SUSD5: variants seen among roughly 807,000 people sequenced by gnomAD.
SUSD5 encodes the protein sushi domain containing 5.
Under a neutral mutation model 29.5 loss-of-function variants are expected in SUSD5, and 33 were observed. That is an observed-to-expected ratio of 1.12 (90% confidence interval 0.85 to 1.49). The LOEUF (loss-of-function observed/expected upper bound fraction) is 1.49, where lower values mean the gene tolerates loss of function less well. Among genes scored for constraint, SUSD5 ranks in the 40% most tolerant of loss-of-function variants. The pLI is 0.00. For missense variants in SUSD5, 776 were observed against 800.6 expected, an observed-to-expected ratio of 0.97 and a Z score of 0.37; for synonymous variants, 308 against 325.3, an observed-to-expected ratio of 0.95 and a Z score of 0.57.
chr3:33,209,124 C>T (rs2032275739), intron 2 of SUSD5, among the ~76,000 whole-genome samples: 2 of 152,186 alleles, frequency 1.3e-5, no homozygotes, highest in Non-Finnish European at 2.9e-5. Context: ...TCAGTACCTT[C>T]AAAATATCAA....
chr3:33,165,975 C>T lies in SUSD5; in HGVS notation c.598+8911G>A, dbSNP rs561277034. 2.7e-5 allele frequency among the ~76,000 whole-genome samples: 4 copies of T among 149,130 alleles called. No individual in the cohort carries two copies. The East Asian group carries it at 6.0e-4, about 22-fold the overall frequency. ...CTGGACAACATAGTGAGACCCACTG[C>T]ACCGCAGCCTGGGTGACAGAGTGAG... On this transcript the variant is annotated intron_variant, in intron 4 of 4. Coordinates refer to ENST00000309558, the MANE Select transcript of SUSD5 (RefSeq NM_015551.2).
chr3:33,186,431 T>TC (rs1418969949), intron 3 of SUSD5, among the ~76,000 whole-genome samples: 1 of 144,352 alleles, frequency 6.9e-6, no homozygotes, highest in Non-Finnish European at 1.5e-5. Context: ...CTTTCTTTCT[T>TC]TTTTTTTTTT....
At chr3:33,193,283 T>C (rs927382753) in intron 3 of SUSD5, among the ~76,000 whole-genome samples, 1 of 152,138 alleles carries the variant, frequency 6.6e-6, no homozygotes, top group Non-Finnish European at 1.5e-5. Context: ...AGACGATGCA[T>C]TGAGGAAGCA....
Position 33,153,154 on chromosome 3 carries a change from G to A in SUSD5, c.1478C>T (p.Ser493Phe), listed in dbSNP as rs753255710. Residue 493 changes from serine to phenylalanine, a missense_variant, in exon 5 of 5, where the codon TCC becomes TTC. By Grantham distance (155) the Ser-to-Phe change is radical. Transcript: ENST00000309558. Reference protein sequence around the residue: ...MATLSYELTSSTLEILTVNTV... With the variant: ...MATLSYELTSFTLEILTVNTV... ...GTTCACTGTTAATATCTCCAGGGTG[G>A]AGCTGGTGAGCTCATAGGACAGGGT... The A allele has an allele frequency of 4.3e-6, 7 of 1,613,856 alleles. No individual in the cohort carries two copies. In the Admixed American group the frequency reaches 1.2e-4, roughly 27 times the overall value.
At chr3:33,181,354 CTTT>C (rs61087865) in intron 3 of SUSD5, among the ~76,000 whole-genome samples, 10 of 120,458 alleles carry the variant, frequency 8.3e-5, no homozygotes, top group Non-Finnish European at 1.4e-4. Flanking sequence ...TCATTTTCAT[CTTT>C]TTTTTTTTTT....
chr3:33,185,096 T>C (rs1450493713), intron 3 of SUSD5, among the ~76,000 whole-genome samples: 1 of 152,170 alleles, frequency 6.6e-6, no homozygotes, highest in Non-Finnish European at 1.5e-5. Context: ...TCTCAGTCTT[T>C]TGTCAGCATG....
At chr3:33,162,817 T>C (rs4482622) in intron 4 of SUSD5, among the ~76,000 whole-genome samples, 10,516 of 151,060 alleles carry the variant, frequency 0.07, 563 homozygotes, top group East Asian at 0.22. Context: ...CAGGGCGTGG[T>C]GGCACATGCC....
intron 4 of SUSD5, among the ~76,000 whole-genome samples, chr3:33,163,782 G>A (rs1370213392): frequency 1.3e-5 from 2 of 152,168 alleles, no homozygotes; most frequent in Non-Finnish European, 2.9e-5. Context: ...CGGATCACGA[G>A]GTCAGGAGAT....
chr3:33,189,733 T>C (rs1396425384), intron 3 of SUSD5, among the ~76,000 whole-genome samples: 1 of 152,180 alleles, frequency 6.6e-6, no homozygotes, highest in Non-Finnish European at 1.5e-5. Context: ...TCTAATTAGA[T>C]TGGCATAGTT....
intron 3 of SUSD5, among the ~76,000 whole-genome samples, chr3:33,202,024 T>TTATCTATC (rs60454731): frequency 0.18 from 26,501 of 146,452 alleles, 2,369 homozygotes; most frequent in South Asian, 0.25. Flanking sequence ...AGGGGAGAAG[T>TTATCTATC]TATCTATCTA....
intron 3 of SUSD5, among the ~76,000 whole-genome samples, chr3:33,190,616 T>C (rs1274799736): frequency 6.6e-6 from 1 of 152,194 alleles, no homozygotes; most frequent in African/African-American, 2.4e-5. Flanking sequence ...CATACCTTTA[T>C]ACTGAGGGAG....
chr3:33,171,207 C>T (rs1028917277), intron 4 of SUSD5, among the ~76,000 whole-genome samples: 9 of 152,026 alleles, frequency 5.9e-5, no homozygotes, highest in Non-Finnish European at 8.8e-5. Flanking sequence ...ATTAGCCAGG[C>T]GTGGTGGCGC....
intron 3 of SUSD5, among the ~76,000 whole-genome samples, chr3:33,184,063 G>C (rs753061520): frequency 6.7e-6 from 1 of 149,756 alleles, no homozygotes; most frequent in Non-Finnish European, 1.5e-5. Flanking sequence ...TCAGCCTACT[G>C]AGTAGCTGGG....
At chr3:33,206,971 G>C (rs1378742393) in intron 3 of SUSD5, among the ~76,000 whole-genome samples, 1 of 151,614 alleles carries the variant, frequency 6.6e-6, no homozygotes, top group Non-Finnish European at 1.5e-5. Flanking sequence ...TCGTTTCTAT[G>C]ACTGATTAGT....
intron 4 of SUSD5, among the ~76,000 whole-genome samples, chr3:33,155,578 G>A (rs1469893426): frequency 1.3e-5 from 2 of 152,172 alleles, no homozygotes; most frequent in Non-Finnish European, 2.9e-5. Context: ...ACAGTAATGT[G>A]TGCATATGGG....
intron 3 of SUSD5, among the ~76,000 whole-genome samples, chr3:33,180,976 C>T (rs540255390): frequency 1.3e-5 from 2 of 149,590 alleles, no homozygotes; most frequent in African/African-American, 2.4e-5. Flanking sequence ...TGAGCCAGCA[C>T]ACCCAGCAAA....
In SUSD5 at chr3:33,204,483, G is replaced by C. The variant is rs1291826067; in HGVS notation, c.409+3325C>G. ...CGACAGGTGCCCACTACCACACCCG[G>C]CTAATTTTTTTGTATTTTTAGTAGA... is the stretch of plus-strand genomic sequence containing the variant. On this transcript the variant is annotated intron_variant, in intron 3 of 4. Coordinates refer to ENST00000309558, the MANE Select transcript of SUSD5 (RefSeq NM_015551.2). The surrounding 1 kb of genome is among the most constrained non-coding windows in gnomAD (Gnocchi z 4.5). Among the ~76,000 whole-genome samples, 2 of 151,404 alleles carry C rather than the reference G, an allele frequency of 1.3e-5. No homozygotes were observed. The highest frequency in any genetic ancestry group is 2.9e-5 in the Non-Finnish European group (2 of 67,998).
In SUSD5 at chr3:33,152,564, C is replaced by T; in HGVS notation, c.*178G>A. 2 of 652,372 alleles carry T rather than the reference C, an allele frequency of 3.1e-6. No homozygotes were observed. Among genetic ancestry groups the T allele is most frequent in the Non-Finnish European group, 5.2e-6 (2 of 386,520 alleles). 40.4% of individuals were successfully genotyped at this position (652,372 alleles called of 1,614,324 possible). A position where few individuals can be genotyped will look rare whatever the true frequency, so the allele number is the denominator to read the frequency against. Reference sequence around the variant, plus strand: ...GACATTGACATGAGTGATGATGTCACCAAAGCCTCCCTGCCCTCCCAGGTG... The same window carrying T: ...GACATTGACATGAGTGATGATGTCATCAAAGCCTCCCTGCCCTCCCAGGTG... On this transcript the variant is annotated 3_prime_UTR_variant, in exon 5 of 5. Transcript: ENST00000309558.
intron 4 of SUSD5, among the ~76,000 whole-genome samples, chr3:33,165,258 T>C (rs1418387833): frequency 1.3e-5 from 2 of 152,156 alleles, no homozygotes; most frequent in Non-Finnish European, 2.9e-5. Flanking sequence ...AAGGAAGCCA[T>C]ACACAAGAGT....
Sources: gnomAD v4.1 joint callset for allele counts (sites outside exome capture counted in the v4.1 genomes callset) on GRCh38, gnomAD v4.1.1 for gene constraint, Gnocchi (gnomAD v3.1) non-coding constraint, MANE v1.5 for transcripts, NCBI Gene and HGNC (gene_info 2026-07-23, HGNC 2026-07-21) for gene names.